Variants in GABRB2 observed in about 807,000 individuals in gnomAD.
GABRB2 encodes the protein gamma-aminobutyric acid receptor subunit beta-2.
Under a neutral mutation model 54.7 loss-of-function variants are expected in GABRB2, and 16 were observed. That is an observed-to-expected ratio of 0.29 (90% CI 0.20 to 0.44). GABRB2 has a LOEUF of 0.44. GABRB2 is among the 20% of genes least tolerant of loss of function. GABRB2 has a pLI of 1.00. For missense variants in GABRB2, 355 were observed against 644.0 expected (o/e 0.55, Z 4.86); for synonymous variants, 244 against 233.8 (o/e 1.04, Z -0.40).
In GABRB2 at chr5:161,403,292, G is replaced by T. The variant is rs115221633; in HGVS notation, c.541+7683C>A. 7.3e-3 allele frequency among the ~76,000 whole-genome samples: 1,105 copies of T among 152,234 alleles called. 12 individuals are homozygous for T. The highest frequency in any genetic ancestry group is 0.025 in the African/African-American group (1,050 of 41,558). On this transcript the variant is annotated intron_variant, in intron 5 of 9. Transcript: ENST00000393959. ...GAGTGAGAGTGAAATAATCTGAAGT[G>T]CAGGAGGCTCAGATGAAAGTTGTGG... is the stretch of plus-strand genomic sequence containing the variant.
intron 5 of GABRB2, among the ~76,000 whole-genome samples, chr5:161,401,923 C>T (rs573775740): frequency 5.3e-5 from 8 of 152,136 alleles, no homozygotes; most frequent in East Asian, 1.9e-4. Context: ...CTGTCCAGTA[C>T]GGCAGCCACT....
At chr5:161,534,198 T>A (rs1374368917) in intron 3 of GABRB2, among the ~76,000 whole-genome samples, 1 of 152,170 alleles carries the variant, frequency 6.6e-6, no homozygotes. Context: ...TTTGAAGACA[T>A]TTTTGGTTTT....
At chr5:161,447,660 C>CTTGCTTTA (rs1267259941) in intron 4 of GABRB2, among the ~76,000 whole-genome samples, 1 of 152,112 alleles carries the variant, frequency 6.6e-6, no homozygotes, top group Non-Finnish European at 1.5e-5. Flanking sequence ...CAAGGAAAAG[C>CTTGCTTTA]TTGCTTTATA....
chr5:161,402,360 AT>A (rs1756222920), intron 5 of GABRB2, among the ~76,000 whole-genome samples: 1 of 152,164 alleles, frequency 6.6e-6, no homozygotes, highest in South Asian at 2.1e-4. Flanking sequence ...ATGCAGTTAA[AT>A]ATTCATATGT....
Position 161,414,924 on chromosome 5 carries a change from A to C in GABRB2, c.459-3867T>G, listed in dbSNP as rs370327215. On this transcript the variant is annotated intron_variant, in intron 4 of 9. Coordinates refer to ENST00000393959, the MANE Select transcript of GABRB2 (RefSeq NM_001371727.1). ...TATAGAAGAAGCTGTCCTGGAATTA[A>C]TCTATTCCAAAAAGCTCAGGAATAA... Among the ~76,000 whole-genome samples the C allele has an allele frequency of 4.2e-4, 64 of 152,278 alleles. No homozygotes were observed. In the East Asian group the frequency reaches 9.8e-3, roughly 23 times the overall value.
intron 3 of GABRB2, among the ~76,000 whole-genome samples, chr5:161,506,349 C>A (rs746845480): frequency 6.6e-6 from 1 of 152,062 alleles, no homozygotes; most frequent in African/African-American, 2.4e-5. Context: ...TAAGGTAAAA[C>A]TCCCATTAGG....
At chr5:161,436,538 A>C in intron 4 of GABRB2, among the ~76,000 whole-genome samples, 1 of 151,814 alleles carries the variant, frequency 6.6e-6, no homozygotes, top group African/African-American at 2.4e-5. Flanking sequence ...GTCGAAAAAA[A>C]AAAAAAAGAG....
chr5:161,461,678 GA>G (rs1758122089), intron 3 of GABRB2, among the ~76,000 whole-genome samples: 1 of 152,112 alleles, frequency 6.6e-6, no homozygotes, highest in Admixed American at 6.6e-5. Flanking sequence ...ATATTCATTT[GA>G]AAAGCATAAT....
intron 8 of GABRB2, chr5:161,326,882 G>C (rs1165781977): frequency 1.7e-6 from 1 of 603,718 alleles, no homozygotes; most frequent in Non-Finnish European, 2.1e-6. Context: ...TGGTAAAAAG[G>C]CAAGAATAAC....
intron 3 of GABRB2, among the ~76,000 whole-genome samples, chr5:161,489,725 G>T (rs1047245783): frequency 6.6e-6 from 1 of 151,660 alleles, no homozygotes; most frequent in Non-Finnish European, 1.5e-5. Flanking sequence ...TCAAGAAGCT[G>T]TTCTTTGAGA....
At chr5:161,371,534 G>A (rs561127075) in intron 5 of GABRB2, among the ~76,000 whole-genome samples, 5 of 152,286 alleles carry the variant, frequency 3.3e-5, no homozygotes, top group Non-Finnish European at 5.9e-5. Flanking sequence ...ATCAGCCTAT[G>A]CAACAGAGCC....
chr5:161,419,784 A>C (rs966025376), intron 4 of GABRB2, among the ~76,000 whole-genome samples: 5 of 152,154 alleles, frequency 3.3e-5, no homozygotes, highest in African/African-American at 4.8e-5. Context: ...TACAAAGGAA[A>C]GCAACACACA....
At chr5:161,365,548 T>A (rs1316102098) in intron 5 of GABRB2, among the ~76,000 whole-genome samples, 1 of 152,180 alleles carries the variant, frequency 6.6e-6, no homozygotes, top group Non-Finnish European at 1.5e-5. Context: ...ATATCTGACT[T>A]CTCAAACACT....
intron 3 of GABRB2, among the ~76,000 whole-genome samples, chr5:161,462,349 G>A (rs911238891): frequency 3.3e-5 from 5 of 152,038 alleles, no homozygotes; most frequent in African/African-American, 1.2e-4. Flanking sequence ...AACAGTAAAA[G>A]GATCAGATAT....
At chr5:161,364,144 A>G (rs1326540004) in intron 5 of GABRB2, among the ~76,000 whole-genome samples, 1 of 152,142 alleles carries the variant, frequency 6.6e-6, no homozygotes, top group Non-Finnish European at 1.5e-5. Flanking sequence ...GTCATTTTTA[A>G]TGTATATATA....
chr5:161,466,611 C>T (rs574932973), intron 3 of GABRB2, among the ~76,000 whole-genome samples: 2 of 152,058 alleles, frequency 1.3e-5, no homozygotes, highest in Admixed American at 6.6e-5. Context: ...CATTTACCCT[C>T]ATTTTCCATG....
intron 4 of GABRB2, among the ~76,000 whole-genome samples, chr5:161,432,654 TC>T (rs745378156): frequency 7.0e-4 from 106 of 152,282 alleles, no homozygotes; most frequent in Middle Eastern, 6.8e-3. Context: ...GAAACATATG[TC>T]TGGAAAAGGG....
At chr5:161,376,501 T>C (rs1755303455) in intron 5 of GABRB2, among the ~76,000 whole-genome samples, 1 of 152,036 alleles carries the variant, frequency 6.6e-6, no homozygotes, top group African/African-American at 2.4e-5. Context: ...TGAGGAAAGA[T>C]AATAAAAAAA....
chr5:161,311,141 C>T (rs1262346800), intron 9 of GABRB2, among the ~76,000 whole-genome samples: 1 of 152,106 alleles, frequency 6.6e-6, no homozygotes, highest in Non-Finnish European at 1.5e-5. Context: ...TCTTTGATCT[C>T]CTTGCCATCT....
Sources: allele counts gnomAD v4.1 joint callset (sites outside exome capture counted in the v4.1 genomes callset), GRCh38; gene constraint gnomAD v4.1.1; transcripts MANE v1.5; gene names NCBI Gene and HGNC (gene_info 2026-07-23, HGNC 2026-07-21).